The following GSE1 variants were observed in gnomAD, a reference collection of about 807,000 sequenced individuals.
The protein encoded by GSE1 is genetic suppressor element 1.
In GSE1, 32 loss-of-function variants were observed where a neutral mutation model predicts 112.6. The ratio of observed to expected loss-of-function variants is 0.28; its 90% CI spans 0.21 to 0.38. The LOEUF is 0.38. Among genes scored for constraint, GSE1 ranks in the 10% least tolerant of loss-of-function variants. The pLI is 1.00. For synonymous variants in GSE1, 1,115 were observed against 735.6 expected (o/e 1.52, Z -8.35); for missense variants, 2,348 against 1,699.2 (o/e 1.38, Z -6.71).
chr16:85,591,944 A>G (rs370232212), intron 1 of GSE1, among the ~76,000 whole-genome samples: 1 of 152,124 alleles, frequency 6.6e-6, no homozygotes, highest in African/African-American at 2.4e-5. Context: ...GTGGCTATAG[A>G]GTGCTCAGAA....
At chr16:85,605,022 T>C (rs1370708947) in intron 1 of GSE1, among the ~76,000 whole-genome samples, 1 of 148,830 alleles carries the variant, frequency 6.7e-6, no homozygotes, top group Admixed American at 6.7e-5. Context: ...TTTCACCGTG[T>C]TAGCCAGGAT....
chr16:85,261,456 T>C (rs1335402499), intron 1 of GSE1, among the ~76,000 whole-genome samples: 1 of 152,214 alleles, frequency 6.6e-6, no homozygotes, highest in Non-Finnish European at 1.5e-5. Context: ...TGTTTCCCCT[T>C]ATCCCGCAGA....
At chr16:85,582,667 C>G (rs2046501156) in intron 1 of GSE1, among the ~76,000 whole-genome samples, 1 of 152,168 alleles carries the variant, frequency 6.6e-6, no homozygotes, top group Admixed American at 6.5e-5. Context: ...GCTCAGTCCT[C>G]CCCGTGTTGA....
intron 1 of GSE1, among the ~76,000 whole-genome samples, chr16:85,272,304 G>A (rs1908920798): frequency 6.6e-6 from 1 of 152,246 alleles, no homozygotes. Flanking sequence ...ATGTCTGAAG[G>A]AGCCTCAGGC....
At chr16:85,654,690 G>A in intron 4 of GSE1, 104 bp from the exon 5 acceptor site, 1 of 796,576 alleles carries the variant, frequency 1.3e-6, no homozygotes, top group Non-Finnish European at 2.1e-6. Context: ...GAGTCTGGGT[G>A]CCGACTGAGC....
In GSE1 at chr16:85,641,296, C is replaced by T. The variant is rs377747817; in HGVS notation, c.226+7164C>T. On this transcript the variant is annotated intron_variant, in intron 2 of 15. Coordinates refer to ENST00000253458, the MANE Select transcript of GSE1 (RefSeq NM_014615.5). ...GTCCAGCATCTAAGCTCACGCTGTT[C>T]AGCACATAATCCGCCCCCGGCAAAA... 4.7e-4 allele frequency among the ~76,000 whole-genome samples: 72 copies of T among 152,366 alleles called. 1 individual carries two copies. Among genetic ancestry groups the T allele is most frequent in the African/African-American group, 1.5e-3 (63 of 41,586 alleles).
chr16:85,556,602 G>T (rs949989029), intron 1 of GSE1, among the ~76,000 whole-genome samples: 1 of 150,650 alleles, frequency 6.6e-6, no homozygotes, highest in Non-Finnish European at 1.5e-5. Flanking sequence ...CCGCCGCCGG[G>T]GGTTGCGCGT....
chr16:85,421,060 G>A (rs566658463), intron 2 of GSE1, among the ~76,000 whole-genome samples: 51 of 152,332 alleles, frequency 3.3e-4, no homozygotes, highest in African/African-American at 9.9e-4. Flanking sequence ...GTTATTACCC[G>A]GGGGCGTTGG....
intron 1 of GSE1, among the ~76,000 whole-genome samples, chr16:85,315,429 G>T (rs972519350): frequency 2.0e-5 from 3 of 152,202 alleles, no homozygotes; most frequent in African/African-American, 7.2e-5. Context: ...AGCCCTGGGG[G>T]TCAGGACTGG....
At chr16:85,556,161 A>AT (rs35799221) in exon 1 of GSE1, 353,730 of 854,534 alleles carry the variant, frequency 0.41, 45,461 homozygotes, top group East Asian at 0.71. Flanking sequence ...GGAAAGACTG[A>AT]TTTTTTTTTT....
intron 1 of GSE1, among the ~76,000 whole-genome samples, chr16:85,625,014 CT>C (rs1293774819): frequency 6.6e-6 from 1 of 152,182 alleles, no homozygotes; most frequent in East Asian, 1.9e-4. Flanking sequence ...AAGTTGCCCC[CT>C]GGTACCTTGA....
chr16:85,528,943 A>T (rs2052457583), intron 2 of GSE1, among the ~76,000 whole-genome samples: 1 of 151,934 alleles, frequency 6.6e-6, no homozygotes, highest in South Asian at 2.1e-4. Flanking sequence ...ATAGCTCAAG[A>T]CCCCAGAGGC....
chr16:85,219,026 C>T (rs2075348527), intron 1 of GSE1, among the ~76,000 whole-genome samples: 2 of 152,126 alleles, frequency 1.3e-5, no homozygotes, highest in African/African-American at 4.8e-5. Flanking sequence ...ACTACAGGTG[C>T]CTGCCACCAC....
At chr16:85,473,044 G>A (rs568097338) in intron 2 of GSE1, among the ~76,000 whole-genome samples, 9 of 152,384 alleles carry the variant, frequency 5.9e-5, no homozygotes, top group East Asian at 1.9e-4. Flanking sequence ...AGGTGCGCCC[G>A]GCACCAAGAT....
intron 2 of GSE1, among the ~76,000 whole-genome samples, chr16:85,514,981 TTGTG>T (rs1359194734): frequency 4.6e-5 from 7 of 152,168 alleles, no homozygotes; most frequent in South Asian, 2.1e-4. Flanking sequence ...GCATGCATGT[TTGTG>T]TGTGTGTGCA....
At chr16:85,635,728 G>A (rs2049940690) in intron 2 of GSE1, among the ~76,000 whole-genome samples, 1 of 152,224 alleles carries the variant, frequency 6.6e-6, no homozygotes, top group Admixed American at 6.5e-5. Flanking sequence ...TGGCGCTGGT[G>A]CTACCTGGGC....
chr16:85,327,992 T>C (rs1314066288), intron 1 of GSE1, among the ~76,000 whole-genome samples: 4 of 152,190 alleles, frequency 2.6e-5, no homozygotes, highest in Non-Finnish European at 5.9e-5. Context: ...TGGCCATGCA[T>C]GAATCCAGCT....
At chr16:85,462,418 C>T (rs1483959214) in intron 2 of GSE1, among the ~76,000 whole-genome samples, 1 of 152,096 alleles carries the variant, frequency 6.6e-6, no homozygotes, top group South Asian at 2.1e-4. Context: ...TGTCTTCCTT[C>T]TCCCCCTCCT....
intron 1 of GSE1, among the ~76,000 whole-genome samples, chr16:85,572,450 C>T (rs944143065): frequency 2.5e-5 from 3 of 118,522 alleles, no homozygotes; most frequent in Non-Finnish European, 5.6e-5. Context: ...ACACACAGCA[C>T]ATACCACACA....
Sources: gnomAD v4.1 joint callset for allele counts (sites outside exome capture counted in the v4.1 genomes callset) on GRCh38, gnomAD v4.1.1 for gene constraint, MANE v1.5 for transcripts, NCBI Gene and HGNC (gene_info 2026-07-23, HGNC 2026-07-21) for gene names.